PCM1: variants seen among roughly 807,000 people sequenced by gnomAD.
The protein encoded by PCM1 is pericentriolar material 1.
Under a neutral mutation model 241.9 loss-of-function variants are expected in PCM1, and 157 were observed. The observed-to-expected ratio is 0.65, with a 90% CI of 0.57 to 0.74. The LOEUF (loss-of-function observed/expected upper bound fraction) is 0.74, where lower values mean the gene tolerates loss of function less well. Among genes scored for constraint, PCM1 ranks in the 30% least tolerant of loss-of-function variants. The pLI is 0.00. For missense variants in PCM1, 3,478 were observed against 2,360.1 expected, an observed-to-expected ratio of 1.47 and a Z score of -9.81; for synonymous variants, 1,085 against 784.9, an observed-to-expected ratio of 1.38 and a Z score of -6.39.
rs773298054 is a variant in PCM1, at chr8:18,014,707, C to G, written c.5708C>G (p.Pro1903Arg). 3 of 1,613,424 alleles carry G rather than the reference C, an allele frequency of 1.9e-6. No individual in the cohort carries two copies. The highest frequency in any genetic ancestry group is 2.5e-6 in the Non-Finnish European group (3 of 1,179,834). ...PTVDSTQQPN[P>R]LPLRLPEMEP... The stretch of plus-strand genomic sequence containing the variant: ...GTTGATTCAACTCAACAGCCTAACC[C>G]TTTGCCGTTACGTTTACCTGAAATG... Residue 1903 changes from proline (P) to arginine (R), a missense_variant, in exon 36 of 39, where the codon CCT (proline) becomes CGT (arginine). Physicochemically the swap from Pro to Arg is moderately radical, Grantham distance 103. Coordinates refer to ENST00000325083, the MANE Select transcript of PCM1 (RefSeq NM_006197.4).
chr8:18,017,853 CAA>C (rs371622006), intron 36 of PCM1, among the ~76,000 whole-genome samples: 1 of 141,886 alleles, frequency 7.0e-6, no homozygotes. Flanking sequence ...AACTCCATCT[CAA>C]AAAAAAAAAG....
chr8:17,923,970 A>G (rs1484282034), intron 1 of PCM1, among the ~76,000 whole-genome samples: 3 of 151,196 alleles, frequency 2.0e-5, no homozygotes, highest in Admixed American at 6.6e-5. Context: ...CCTACTCCCC[A>G]GGAACTCGCC....
chr8:18,011,135 A>AT (rs1241956081), intron 32 of PCM1, 102 bp from the exon 33 acceptor site: 3 of 754,384 alleles, frequency 4.0e-6, no homozygotes, highest in Non-Finnish European at 5.7e-6. Flanking sequence ...GGTTCTTTGT[A>AT]TTTTTTATTA....
At position 17,962,097 on chromosome 8, in the gene PCM1, C is replaced by G. The variant is rs2072549453; in HGVS notation, c.2386C>G (p.Pro796Ala). The G allele has an allele frequency of 3.1e-6, 5 of 1,611,656 alleles. No individual in the cohort carries two copies. Among genetic ancestry groups the G allele is most frequent in the South Asian group, 1.1e-5 (1 of 90,724 alleles). Residue 796 changes from proline (P) to alanine (A), a missense_variant, in exon 16 of 39, where the codon CCA (proline) becomes GCA (alanine). By Grantham distance (27) the Pro-to-Ala change is conservative. Transcript: ENST00000325083. ...ATATATGCCAGCTGTTACTTCAACCCCAACTGTTAATCAACACGAGACCAG... is the reference window on the plus strand; with the variant it reads ...ATATATGCCAGCTGTTACTTCAACCGCAACTGTTAATCAACACGAGACCAG... ...KKYMPAVTST[P>A]TVNQHETSTS...
At chr8:17,962,994 T>G in intron 16 of PCM1, 107 bp from the exon 17 acceptor site, 1 of 703,138 alleles carries the variant, frequency 1.4e-6, no homozygotes, top group Non-Finnish European at 2.4e-6. Flanking sequence ...AAGGAGAGAA[T>G]GAGAATAGAA....
intron 1 of PCM1, among the ~76,000 whole-genome samples, chr8:17,923,820 C>T (rs989655238): frequency 1.3e-5 from 2 of 152,016 alleles, no homozygotes; most frequent in Non-Finnish European, 2.9e-5. Flanking sequence ...TCCTACCTAT[C>T]TAGTTAGAAT....
chr8:17,972,381 T>C lies in PCM1; in HGVS notation c.3637T>C (p.Tyr1213His), dbSNP rs1215310877. The C allele has an allele frequency of 6.3e-7, 1 of 1,590,756 alleles. No individual in the cohort carries two copies. The highest frequency in any genetic ancestry group is 8.6e-7 in the Non-Finnish European group (1 of 1,167,460). ...EVESSRTPWLYEQEGEVEKPF... is the reference protein window; with the variant it reads ...EVESSRTPWLHEQEGEVEKPF... ...GGAAAGCAGTAGGACACCATGGTTA[T>C]ATGAACAAGAAGGTGAAGTAGAGAA... Residue 1213 changes from tyrosine to histidine, a missense_variant, in exon 23 of 39, where the codon TAT (tyrosine) becomes CAT (histidine). Transcript: ENST00000325083.
chr8:17,937,027 G>C, intron 3 of PCM1, 107 bp from the exon 4 acceptor site: 3 of 829,502 alleles, frequency 3.6e-6, no homozygotes, highest in Non-Finnish European at 5.5e-6. Flanking sequence ...TGTCAAAAAT[G>C]TCTTGTCTTT....
At chr8:17,941,751 A>G (rs1199182067) in intron 6 of PCM1, among the ~76,000 whole-genome samples, 1 of 151,986 alleles carries the variant, frequency 6.6e-6, no homozygotes, top group Non-Finnish European at 1.5e-5. Flanking sequence ...CTACAAGTCC[A>G]AAAGGGAAAG....
At chr8:17,990,633 A>G (rs2084296364) in intron 27 of PCM1, among the ~76,000 whole-genome samples, 1 of 152,120 alleles carries the variant, frequency 6.6e-6, no homozygotes, top group Admixed American at 6.6e-5. Flanking sequence ...ATACGTTTCT[A>G]GACTGTGGCC....
intron 29 of PCM1, among the ~76,000 whole-genome samples, chr8:17,996,684 A>G (rs566893464): frequency 7.9e-5 from 12 of 152,164 alleles, no homozygotes; most frequent in African/African-American, 2.9e-4. Flanking sequence ...TATCTGTTAT[A>G]TGTATGTTTT....
At chr8:17,925,858 G>C (rs2056747516) in intron 2 of PCM1, 1 of 152,150 alleles carries the variant, frequency 6.6e-6, no homozygotes, top group South Asian at 2.1e-4. Context: ...AACTTTTGTA[G>C]AAATCAATAT....
In PCM1 at chr8:17,964,635, C is replaced by T; in HGVS notation, c.2722C>T (p.Leu908Phe). ...LDEEGDEDGY[L>F]SEGIVRTDEE... ...TGAAGAAGGAGATGAAGACGGTTACCTTTCTGAAGGAATTGTTCGGACAGA... is the reference window on the plus strand; with the variant it reads ...TGAAGAAGGAGATGAAGACGGTTACTTTTCTGAAGGAATTGTTCGGACAGA... Residue 908 changes from leucine (L) to phenylalanine (F), a missense_variant, in exon 18 of 39, where the codon CTT (leucine) becomes TTT (phenylalanine). Leu to Phe is a conservative substitution (Grantham distance 22). Coordinates refer to ENST00000325083, the MANE Select transcript of PCM1 (RefSeq NM_006197.4). The T allele has an allele frequency of 6.2e-7, 1 of 1,613,878 alleles. No homozygotes were observed. Among genetic ancestry groups the T allele is most frequent in the Non-Finnish European group, 8.5e-7 (1 of 1,179,838 alleles).
chr8:18,009,224 G>A (rs2092061697), intron 30 of PCM1, among the ~76,000 whole-genome samples: 1 of 152,170 alleles, frequency 6.6e-6, no homozygotes, highest in South Asian at 2.1e-4. Flanking sequence ...ATTTATTACT[G>A]TAGTATATAT....
chr8:17,988,169 G>A (rs1035555928), intron 26 of PCM1, among the ~76,000 whole-genome samples: 1 of 151,408 alleles, frequency 6.6e-6, no homozygotes, highest in African/African-American at 2.4e-5. Context: ...CATCTGTCTT[G>A]AAGACTTGAA....
At position 17,980,702 on chromosome 8, in the gene PCM1, A is replaced by C. The variant is rs750077281; in HGVS notation, c.4055A>C (p.His1352Pro). The C allele has an allele frequency of 4.3e-6, 7 of 1,613,044 alleles. No homozygotes were observed. The Middle Eastern group carries it at 8.3e-4, about 190-fold the overall frequency. ...VQAKVFSRKN[H>P]EQLEKIIKCN... ...GCAAAAGTATTCAGCAGAAAGAATC[A>C]TGAGCAACTGGAAAAAATAATAAAA... is the stretch of plus-strand genomic sequence containing the variant. Residue 1352 changes from histidine to proline, a missense_variant, in exon 24 of 39, where the codon CAT (histidine) becomes CCT (proline). Transcript: ENST00000325083.
At chr8:17,943,793 C>G (rs2062945584) in intron 6 of PCM1, among the ~76,000 whole-genome samples, 1 of 152,102 alleles carries the variant, frequency 6.6e-6, no homozygotes, top group Non-Finnish European at 1.5e-5. Flanking sequence ...GTCATTCTTA[C>G]CACCCCACCC....
rs765709166 is a variant in PCM1 at position 17,972,636 on chromosome 8, A to G, written c.3892A>G (p.Lys1298Glu). The G allele has an allele frequency of 1.3e-6, 2 of 1,582,812 alleles. No individual in the cohort carries two copies. The highest frequency in any genetic ancestry group is 8.6e-7 in the Non-Finnish European group (1 of 1,168,960). Residue 1298 changes from lysine to glutamate, a missense_variant, in exon 23 of 39, where the codon AAA becomes GAA. Transcript: ENST00000325083. ...LASKDKTPKS[K>E]SKKRNSTQLK... is the part of the protein sequence containing the mutation. ...ATCTAAAGATAAAACTCCCAAGTCA[A>G]AAAGTAAGAAGAGGAATTCTACTCA...
chr8:17,989,163 A>T (rs1376985057), intron 26 of PCM1, among the ~76,000 whole-genome samples: 1 of 152,010 alleles, frequency 6.6e-6, no homozygotes, highest in Non-Finnish European at 1.5e-5. Flanking sequence ...TTTCAGAAAC[A>T]TACTAAGTGA....
Sources: gnomAD v4.1 joint callset for allele counts (sites outside exome capture counted in the v4.1 genomes callset) on GRCh38, gnomAD v4.1.1 for gene constraint, MANE v1.5 for transcripts, NCBI Gene and HGNC (gene_info 2026-07-23, HGNC 2026-07-21) for gene names.